Variants in MGAT5 observed in about 807,000 individuals in gnomAD.
The protein encoded by MGAT5 is alpha-1,6-mannosylglycoprotein 6-beta-N-acetylglucosaminyltransferase, also known as alpha-1,6-mannosylglycoprotein 6-beta-N-acetylglucosaminyltransferase A.
Under a neutral mutation model 94.3 loss-of-function variants are expected in MGAT5, and 30 were observed. The observed-to-expected ratio is 0.32, with a 90% CI of 0.24 to 0.43. The LOEUF is 0.43. Among genes scored for constraint, MGAT5 ranks in the 20% least tolerant of loss-of-function variants. MGAT5 has a pLI of 1.00. For missense variants in MGAT5, 691 were observed against 905.5 expected (o/e 0.76, Z 3.04); for synonymous variants, 310 against 322.9 (o/e 0.96, Z 0.43).
At chr2:134,158,255 C>T (rs1256328903) in intron 1 of MGAT5, among the ~76,000 whole-genome samples, 2 of 152,210 alleles carry the variant, frequency 1.3e-5, no homozygotes, top group Non-Finnish European at 2.9e-5. Context: ...GTATGTCTGC[C>T]TCCTCCCAGT....
chr2:134,376,612 G>A (rs866923010), intron 10 of MGAT5, among the ~76,000 whole-genome samples: 1 of 152,160 alleles, frequency 6.6e-6, no homozygotes, highest in Non-Finnish European at 1.5e-5. Context: ...ACCCCAGCAT[G>A]CCTCCTGTCT....
intron 10 of MGAT5, among the ~76,000 whole-genome samples, chr2:134,381,413 G>T (rs1033947881): frequency 2.1e-5 from 3 of 139,620 alleles, no homozygotes; most frequent in Non-Finnish European, 4.7e-5. Context: ...TAGATAGATA[G>T]ATAGATAGAT....
At chr2:134,367,592 A>G (rs995984039) in intron 10 of MGAT5, among the ~76,000 whole-genome samples, 5 of 152,250 alleles carry the variant, frequency 3.3e-5, no homozygotes, top group Non-Finnish European at 7.3e-5. Flanking sequence ...CCCCTGAATT[A>G]TGCCACGTCC....
chr2:134,299,501 G>A (rs984658287), intron 2 of MGAT5, among the ~76,000 whole-genome samples: 5 of 152,166 alleles, frequency 3.3e-5, no homozygotes, highest in Admixed American at 3.3e-4. Context: ...ATTGAAGTGA[G>A]ATTTGTATTT....
chr2:134,269,729 T>G (rs1192438900), intron 1 of MGAT5, among the ~76,000 whole-genome samples: 1 of 152,242 alleles, frequency 6.6e-6, no homozygotes, highest in Non-Finnish European at 1.5e-5. Flanking sequence ...CTCTTAAATG[T>G]AAGAACGATG....
At chr2:134,151,238 G>C (rs562406060) in intron 1 of MGAT5, among the ~76,000 whole-genome samples, 1 of 129,352 alleles carries the variant, frequency 7.7e-6, no homozygotes, top group Non-Finnish European at 1.6e-5. Context: ...CCTCACTCAC[G>C]CCCTATGGGA....
chr2:134,248,821 A>C (rs1682427511), intron 1 of MGAT5, among the ~76,000 whole-genome samples: 2 of 152,142 alleles, frequency 1.3e-5, no homozygotes, highest in African/African-American at 2.4e-5. Flanking sequence ...CTGAGGAGGC[A>C]GGCCCTTGTG....
intron 14 of MGAT5, among the ~76,000 whole-genome samples, chr2:134,439,025 T>C (rs896261369): frequency 2.2e-4 from 33 of 152,180 alleles, no homozygotes; most frequent in African/African-American, 7.7e-4. Context: ...CCCCTCATCA[T>C]AGGAACACAT....
chr2:134,181,275 G>A (rs1688720259), intron 1 of MGAT5, among the ~76,000 whole-genome samples: 1 of 152,146 alleles, frequency 6.6e-6, no homozygotes, highest in African/African-American at 2.4e-5. Context: ...GCACAGGACG[G>A]TCCCCACAGC....
chr2:134,140,795 C>G (rs1309059715), intron 1 of MGAT5, among the ~76,000 whole-genome samples: 1 of 152,174 alleles, frequency 6.6e-6, no homozygotes, highest in African/African-American at 2.4e-5. Context: ...CTGGGCACTA[C>G]TGTTCTGATT....
At chr2:134,334,496 C>CTTGTT (rs1688215932) in intron 4 of MGAT5, among the ~76,000 whole-genome samples, 1 of 34,108 alleles carries the variant, frequency 2.9e-5, no homozygotes, top group Non-Finnish European at 4.9e-5. Flanking sequence ...CTTGCTCATC[C>CTTGTT]TTTTTTTTTT....
At position 134,441,912 on chromosome 2, in the gene MGAT5, T is replaced by A. The variant is rs776152558; in HGVS notation, c.2024T>A (p.Leu675Gln). Residue 675 changes from leucine (L) to glutamine (Q), a missense_variant, in exon 15 of 16, where the codon CTG becomes CAG. By Grantham distance (113) the Leu-to-Gln change is moderately radical. Coordinates refer to ENST00000281923, the MANE Select transcript of MGAT5 (RefSeq NM_002410.5). Reference sequence around the variant, plus strand: ...CACCTCAACAAGGACAAGGACATGCTGAAGTAAGTGCCCTGGGGTGGGGGT... The same window carrying A: ...CACCTCAACAAGGACAAGGACATGCAGAAGTAAGTGCCCTGGGGTGGGGGT... Reference protein sequence around the residue: ...FQHLNKDKDMLKYKVTCQSSE... With the variant: ...FQHLNKDKDMQKYKVTCQSSE... 1.2e-6 allele frequency: 2 copies of A among 1,610,782 alleles called. No homozygotes were observed.
intron 2 of MGAT5, among the ~76,000 whole-genome samples, chr2:134,302,562 CT>C (rs1192654672): frequency 2.0e-5 from 3 of 152,156 alleles, no homozygotes; most frequent in Admixed American, 6.6e-5. Flanking sequence ...CCTAGAGCTT[CT>C]TTTATTATTT....
chr2:134,300,533 A>G (rs1224604748), intron 2 of MGAT5, among the ~76,000 whole-genome samples: 1 of 152,186 alleles, frequency 6.6e-6, no homozygotes, highest in Non-Finnish European at 1.5e-5. Context: ...TGCAAATAGG[A>G]GACACCTAAA....
chr2:134,441,871 G>A lies in MGAT5; in HGVS notation c.1983G>A (p.Glu661=). ...QVCQESQLIC[E]PSFFQHLNKD... is the part of the protein sequence containing the mutation. ...GCCAGGAGAGCCAGCTCATCTGCGA[G>A]CCTTCTTTCTTCCAGCACCTCAACA... is the stretch of plus-strand genomic sequence containing the variant. Residue 661 remains glutamate, a synonymous_variant, in exon 15 of 16, where the codon GAG becomes GAA. Coordinates refer to ENST00000281923, the MANE Select transcript of MGAT5 (RefSeq NM_002410.5). The A allele has an allele frequency of 6.2e-7, 1 of 1,614,034 alleles. No individual in the cohort carries two copies.
At chr2:134,271,037 C>T (rs1245043752) in intron 2 of MGAT5, among the ~76,000 whole-genome samples, 5 of 152,156 alleles carry the variant, frequency 3.3e-5, no homozygotes, top group Admixed American at 1.3e-4. Flanking sequence ...TAGGAGATAA[C>T]CCCTGCCTAG....
chr2:134,186,663 C>G (rs1204333073), intron 1 of MGAT5, among the ~76,000 whole-genome samples: 1 of 152,176 alleles, frequency 6.6e-6, no homozygotes, highest in African/African-American at 2.4e-5. Flanking sequence ...TGCCTTGTCC[C>G]TGCCAGCTGG....
chr2:134,238,791 A>C (rs1424263554), intron 1 of MGAT5, among the ~76,000 whole-genome samples: 1 of 151,988 alleles, frequency 6.6e-6, no homozygotes, highest in Non-Finnish European at 1.5e-5. Context: ...TAAAAATACA[A>C]AATTAGCCAG....
intron 11 of MGAT5, among the ~76,000 whole-genome samples, chr2:134,405,070 G>A (rs900416089): frequency 2.0e-5 from 3 of 152,176 alleles, no homozygotes; most frequent in Non-Finnish European, 2.9e-5. Context: ...CCTCATGAAT[G>A]TCTCTCTCAG....
Sources: gnomAD v4.1 joint callset for allele counts (sites outside exome capture counted in the v4.1 genomes callset) on GRCh38, gnomAD v4.1.1 for gene constraint, MANE v1.5 for transcripts, NCBI Gene and HGNC (gene_info 2026-07-23, HGNC 2026-07-21) for gene names.